The following CNTN4 variants were observed in gnomAD, a reference collection of about 807,000 sequenced individuals.
The protein encoded by CNTN4 is contactin 4.
Under a neutral mutation model 122.5 loss-of-function variants are expected in CNTN4, and 77 were observed. The ratio of observed to expected loss-of-function variants is 0.63; its 90% CI spans 0.52 to 0.76. The LOEUF (loss-of-function observed/expected upper bound fraction) is 0.76, where lower values mean the gene tolerates loss of function less well. CNTN4 is among the 30% of genes least tolerant of loss of function. The pLI is 0.00. For missense variants in CNTN4, 1,256 were observed against 1,259.1 expected (o/e 1.00, Z 0.04); for synonymous variants, 512 against 447.0 (o/e 1.15, Z -1.83).
In CNTN4 at chr3:2,874,189, T is replaced by C. The variant is rs149792972; in HGVS notation, c.652+7240T>C. Among the ~76,000 whole-genome samples the C allele has an allele frequency of 1.7e-3, 254 of 152,282 alleles. 1 individual carries two copies. The highest frequency in any genetic ancestry group is 7.1e-4 in the Non-Finnish European group (48 of 68,022). ...CATAGCCAATTCCATTTCAGGTCCA[T>C]GGGGGCTAAAGGTCTTGGATGGCCA... On this transcript the variant is annotated intron_variant, in intron 8 of 24. Transcript: ENST00000418658.
chr3:2,798,006 T>C (rs78901102), intron 6 of CNTN4, among the ~76,000 whole-genome samples: 1 of 151,168 alleles, frequency 6.6e-6, no homozygotes, highest in Non-Finnish European at 1.5e-5. Context: ...AAGTCTGGGA[T>C]TGTAGTATAA....
chr3:2,154,960 C>A (rs1375378009), intron 2 of CNTN4, among the ~76,000 whole-genome samples: 1 of 152,218 alleles, frequency 6.6e-6, no homozygotes, highest in Non-Finnish European at 1.5e-5. Flanking sequence ...AGAAAAACAC[C>A]AGTGTCCTAA....
intron 2 of CNTN4, among the ~76,000 whole-genome samples, chr3:2,109,965 C>T (rs187417194): frequency 6.6e-6 from 1 of 152,320 alleles, no homozygotes; most frequent in East Asian, 1.9e-4. Context: ...CAAACAAGGT[C>T]ATCTAGAATT....
In CNTN4 at chr3:2,587,619, T is replaced by G. The variant is rs73805341; in HGVS notation, c.55+16061T>G. ...CCAGACTTGAAGGTGATTCTCTAGA[T>G]TTCTTGTACCTCCCTTATGATTTCA... On this transcript the variant is annotated intron_variant, in intron 4 of 24. Transcript: ENST00000418658. Among the ~76,000 whole-genome samples the G allele has an allele frequency of 4.7e-3, 710 of 152,354 alleles. 9 individuals carry two copies. Among genetic ancestry groups the G allele is most frequent in the African/African-American group, 0.016 (684 of 41,580 alleles).
intron 7 of CNTN4, among the ~76,000 whole-genome samples, chr3:2,830,575 C>G (rs1286576013): frequency 6.6e-6 from 1 of 152,200 alleles, no homozygotes; most frequent in Non-Finnish European, 1.5e-5. Context: ...ATGTGAAAAA[C>G]ACATTACACA....
intron 2 of CNTN4, among the ~76,000 whole-genome samples, chr3:2,272,991 G>C (rs2041362014): frequency 1.3e-5 from 2 of 151,994 alleles, no homozygotes; most frequent in African/African-American, 2.4e-5. Context: ...GGTAGGCATG[G>C]GAATTATCTT....
chr3:2,406,839 A>C (rs185502951), intron 3 of CNTN4, among the ~76,000 whole-genome samples: 18 of 152,244 alleles, frequency 1.2e-4, no homozygotes, highest in African/African-American at 4.1e-4. Context: ...GGAGGAATGC[A>C]AAACTTACCT....
intron 6 of CNTN4, among the ~76,000 whole-genome samples, chr3:2,757,624 G>A (rs772819868): frequency 1.6e-4 from 24 of 152,154 alleles, no homozygotes; most frequent in Admixed American, 3.9e-4. Flanking sequence ...CACCTTTCCC[G>A]GAGTAGGCTC....
intron 10 of CNTN4, among the ~76,000 whole-genome samples, chr3:2,892,876 G>T (rs1047865519): frequency 6.6e-6 from 1 of 152,162 alleles, no homozygotes; most frequent in African/African-American, 2.4e-5. Flanking sequence ...AAGATCCAGA[G>T]ATACAAAATA....
intron 4 of CNTN4, among the ~76,000 whole-genome samples, chr3:2,589,945 T>G (rs987453105): frequency 6.6e-6 from 1 of 152,196 alleles, no homozygotes; most frequent in Admixed American, 6.5e-5. Flanking sequence ...TCCATAATAT[T>G]CAATTTATTA....
chr3:2,503,628 GCTGT>G (rs2149019546), intron 3 of CNTN4, among the ~76,000 whole-genome samples: 1 of 152,148 alleles, frequency 6.6e-6, no homozygotes, highest in Admixed American at 6.5e-5. Flanking sequence ...ATGATACCAG[GCTGT>G]CTGACTCTAG....
chr3:2,424,119 G>C (rs773801260), intron 3 of CNTN4, among the ~76,000 whole-genome samples: 7 of 150,304 alleles, frequency 4.7e-5, no homozygotes, highest in Non-Finnish European at 7.4e-5. Context: ...ACAACGTGCA[G>C]GGTTGTTACA....
At chr3:2,341,265 G>A (rs900899024) in intron 3 of CNTN4, among the ~76,000 whole-genome samples, 1 of 152,074 alleles carries the variant, frequency 6.6e-6, no homozygotes, top group Non-Finnish European at 1.5e-5. Context: ...TCCCTGTTAG[G>A]GTGAGGCTTC....
intron 3 of CNTN4, among the ~76,000 whole-genome samples, chr3:2,461,129 A>G (rs1426002531): frequency 1.3e-5 from 2 of 152,074 alleles, no homozygotes; most frequent in East Asian, 3.9e-4. Context: ...TTTATTATAC[A>G]TGGCCATTAT....
At chr3:2,380,302 C>T (rs1320216242) in intron 3 of CNTN4, among the ~76,000 whole-genome samples, 1 of 119,044 alleles carries the variant, frequency 8.4e-6, no homozygotes, top group Non-Finnish European at 2.1e-5. Context: ...TTAGGGTTTG[C>T]ATCTCTGTTG....
intron 2 of CNTN4, among the ~76,000 whole-genome samples, chr3:2,169,221 A>G (rs1393639879): frequency 6.6e-6 from 1 of 152,116 alleles, no homozygotes; most frequent in Non-Finnish European, 1.5e-5. Flanking sequence ...AATGATATAC[A>G]CTTACCAAGT....
At chr3:2,999,802 G>C (rs1159869209) in intron 14 of CNTN4, among the ~76,000 whole-genome samples, 1 of 152,158 alleles carries the variant, frequency 6.6e-6, no homozygotes, top group Non-Finnish European at 1.5e-5. Context: ...TTTTGGAAGG[G>C]ACACAAACAT....
At chr3:2,906,589 GCACTTTGGGAGGCCGAGGCAGGCGGAT>G (rs2094235867) in intron 12 of CNTN4, among the ~76,000 whole-genome samples, 1 of 152,068 alleles carries the variant, frequency 6.6e-6, no homozygotes, top group South Asian at 2.1e-4. Flanking sequence ...TGTAATCCCA[GCACTTTGGGAGGCCGAGGCAGGCGGAT>G]CACCTGAGGT....
chr3:2,395,874 A>C (rs2046622780), intron 3 of CNTN4, among the ~76,000 whole-genome samples: 1 of 152,156 alleles, frequency 6.6e-6, no homozygotes, highest in African/African-American at 2.4e-5. Context: ...AATAATCTTT[A>C]AGATTATCAA....
Sources: allele counts gnomAD v4.1 joint callset (sites outside exome capture counted in the v4.1 genomes callset), GRCh38; gene constraint gnomAD v4.1.1; transcripts MANE v1.5; gene names NCBI Gene and HGNC (gene_info 2026-07-23, HGNC 2026-07-21).